GPR146: variants seen among roughly 807,000 people sequenced by gnomAD.
GPR146 encodes G-protein coupled receptor 146.
For synonymous variants in GPR146, 203 were observed against 104.3 expected (o/e 1.95, Z -5.77); for missense variants, 381 against 213.9 (o/e 1.78, Z -4.87).
At chr7:1,055,953 AAGCCACGC>A (rs1192661124) in intron 1 of GPR146, among the ~76,000 whole-genome samples, 1 of 152,214 alleles carries the variant, frequency 6.6e-6, no homozygotes, top group African/African-American at 2.4e-5. Context: ...GTGACAGCCA[AAGCCACGC>A]AGCCTCGCAG....
chr7:1,049,200 A>C (rs907301681), intron 1 of GPR146, among the ~76,000 whole-genome samples: 2 of 152,150 alleles, frequency 1.3e-5, no homozygotes, highest in Non-Finnish European at 2.9e-5. Context: ...ACCCTGCCCC[A>C]CGTTTCCCCT....
chr7:1,044,930 ACAGCGCCGCCAC>A (rs1782439979), intron 1 of GPR146, among the ~76,000 whole-genome samples: 1 of 152,244 alleles, frequency 6.6e-6, no homozygotes, highest in South Asian at 2.1e-4. Context: ...CGTAGGCGGC[ACAGCGCCGCCAC>A]CGGCTCTCCC....
Position 1,058,005 on chromosome 7 carries a change from C to T in GPR146, c.490C>T (p.Leu164Phe), listed in dbSNP as rs746849476. Residue 164 changes from leucine (L) to phenylalanine (F), a missense_variant, in exon 2 of 2, where the codon CTC becomes TTC. By Grantham distance (22) the Leu-to-Phe change is conservative. Transcript: ENST00000444847. ...GCTGCTGACCAGCTTCTCCTCGCTG[C>T]TCTTCTACATCTGCAGCCATGTGTC... is the stretch of plus-strand genomic sequence containing the variant. Reference protein sequence around the residue: ...GALLTSFSSLLFYICSHVSTR... With the variant: ...GALLTSFSSLFFYICSHVSTR... The T allele has an allele frequency of 1.3e-5, 10 of 770,024 alleles. No homozygotes were observed. The highest frequency in any genetic ancestry group is 5.1e-5 in the Admixed American group (3 of 59,024). The allele number at this position is 770,024 out of a possible 1,614,324, so 47.7% of individuals were successfully genotyped here.
rs534336846 is a variant in GPR146, at chr7:1,045,654, A to T, written c.-25+996A>T. On this transcript the variant is annotated intron_variant, in intron 1 of 1. Transcript: ENST00000444847. ...TAATAATTAGACGAAGTGCACACTC[A>T]CAGTACCCATGACCTGCTGTGCAGC... is the stretch of plus-strand genomic sequence containing the variant. 10 of 152,370 alleles carry T rather than the reference A, an allele frequency of 6.6e-5. No homozygotes were observed. In the East Asian group the frequency reaches 1.9e-3, roughly 29 times the overall value. The allele number at this position is 152,370 out of a possible 1,614,324, so 9.4% of individuals were successfully genotyped here. A position where few individuals can be genotyped will look rare whatever the true frequency, so the allele number is the denominator to read the frequency against.
Position 1,052,403 on chromosome 7 carries a change from G to C in GPR146, c.-24-5089G>C, listed in dbSNP as rs1399602608. Among the ~76,000 whole-genome samples the C allele has an allele frequency of 1.3e-5, 2 of 152,240 alleles. No homozygotes were observed. Among genetic ancestry groups the C allele is most frequent in the Non-Finnish European group, 2.9e-5 (2 of 68,042 alleles). Reference sequence around the variant, plus strand: ...GGGCCTGGGGAGGGACCTGTGTGTGGGTGGCAGGTCTTGAGGAGTCGTGGG... The same window carrying C: ...GGGCCTGGGGAGGGACCTGTGTGTGCGTGGCAGGTCTTGAGGAGTCGTGGG... On this transcript the variant is annotated intron_variant, in intron 1 of 1. Transcript: ENST00000444847. The surrounding 1 kb of genome is among the most constrained non-coding windows in gnomAD (Gnocchi z 4.2).
Position 1,058,375 on chromosome 7 carries a change from C to T in GPR146, c.860C>T (p.Ser287Phe), listed in dbSNP as rs751307352. Reference sequence around the variant, plus strand: ...GATTTCTCCAAACTCCTGGCCTTCTCCAGCAGCTTTGTGACACCACTTCTC... The same window carrying T: ...GATTTCTCCAAACTCCTGGCCTTCTTCAGCAGCTTTGTGACACCACTTCTC... ...VKDFSKLLAF[S>F]SSFVTPLLYR... Residue 287 changes from serine (S) to phenylalanine (F), a missense_variant, in exon 2 of 2, where the codon TCC becomes TTC. Ser to Phe is a radical substitution (Grantham distance 155). Transcript: ENST00000444847. 2.6e-6 allele frequency: 2 copies of T among 780,368 alleles called. No homozygotes were observed. Among genetic ancestry groups the T allele is most frequent in the Non-Finnish European group, 4.8e-6 (2 of 418,140 alleles). The allele number at this position is 780,368 out of a possible 1,614,324, so 48.3% of individuals were successfully genotyped here. A position where few individuals can be genotyped will look rare whatever the true frequency, so the allele number is the denominator to read the frequency against.
chr7:1,046,035 C>T (rs1045069545), intron 1 of GPR146, among the ~76,000 whole-genome samples: 4 of 152,236 alleles, frequency 2.6e-5, no homozygotes, highest in African/African-American at 4.8e-5. Flanking sequence ...AAAGGGCGCG[C>T]ACCTCATGTG....
In GPR146 at chr7:1,058,916, C is replaced by G. The variant is rs572935942; in HGVS notation, c.*399C>G. On this transcript the variant is annotated 3_prime_UTR_variant, in exon 2 of 2. Transcript: ENST00000444847. ...AAACAGATGTTTCCTAGAAAAATGA[C>G]AAATAGTAAAATGAACAAAACCCTA... 5.0e-6 allele frequency: 1 copy of G among 199,450 alleles called. No individual in the cohort carries two copies. Among genetic ancestry groups the G allele is most frequent in the Admixed American group, 5.3e-5 (1 of 18,796 alleles). The allele number at this position is 199,450 out of a possible 1,614,324, so 12.4% of individuals were successfully genotyped here.
chr7:1,045,360 G>A (rs574359846), intron 1 of GPR146: 2 of 152,414 alleles, frequency 1.3e-5, no homozygotes, highest in East Asian at 1.9e-4. Context: ...CCCTGCCCAT[G>A]AAGATGTACT....
At chr7:1,044,791 C>A (rs1416304610) in intron 1 of GPR146, 133 bp downstream of exon 1, 1 of 152,212 alleles carries the variant, frequency 6.6e-6, no homozygotes, top group Non-Finnish European at 1.5e-5. Context: ...GTCCTCTGGC[C>A]GCTGCCCACT....
rs774301642 is a variant in GPR146, at chr7:1,057,843, A to C, written c.328A>C (p.Asn110His). ...CCACGTGGCACTGCAGATCCCCTTC[A>C]ATGTGTCCTCACTGGTGGCCATGTA... is the stretch of plus-strand genomic sequence containing the variant. ...EVHVALQIPF[N>H]VSSLVAMYST... is the part of the protein sequence containing the mutation. Residue 110 changes from asparagine to histidine, a missense_variant, in exon 2 of 2, where the codon AAT becomes CAT. Physicochemically the swap from Asn to His is moderately conservative, Grantham distance 68. Transcript: ENST00000444847. 14 of 777,504 alleles carry C rather than the reference A, an allele frequency of 1.8e-5. No individual in the cohort carries two copies. The Admixed American group carries it at 2.2e-4, about 12-fold the overall frequency. 48.2% of individuals were successfully genotyped at this position (777,504 alleles called of 1,614,324 possible).
chr7:1,051,143 G>T (rs557217502), intron 1 of GPR146, among the ~76,000 whole-genome samples: 2 of 152,362 alleles, frequency 1.3e-5, no homozygotes, highest in Admixed American at 1.3e-4. Context: ...CCTACAAGCA[G>T]CGTGTGGGCA....
intron 1 of GPR146, among the ~76,000 whole-genome samples, chr7:1,048,468 C>T (rs1782789650): frequency 6.6e-6 from 1 of 152,086 alleles, no homozygotes; most frequent in Non-Finnish European, 1.5e-5. Context: ...CCGGGTGCCT[C>T]TCAGGTTGAG....
Position 1,058,801 on chromosome 7 carries a change from A to G in GPR146, c.*284A>G. 6.5e-6 allele frequency: 3 copies of G among 459,624 alleles called. No homozygotes were observed. The highest frequency in any genetic ancestry group is 1.2e-5 in the Non-Finnish European group (3 of 250,388). 28.5% of individuals were successfully genotyped at this position (459,624 alleles called of 1,614,324 possible). On this transcript the variant is annotated 3_prime_UTR_variant, in exon 2 of 2. Transcript: ENST00000444847. Reference sequence around the variant, plus strand: ...CCTCCTCGCCTTCAGCCTCCTCAGCATTCAGTTTGTCAATGAAGTGATGAA... The same window carrying G: ...CCTCCTCGCCTTCAGCCTCCTCAGCGTTCAGTTTGTCAATGAAGTGATGAA...
At position 1,052,061 on chromosome 7, in the gene GPR146, G is replaced by A. The variant is rs7804083; in HGVS notation, c.-24-5431G>A. On this transcript the variant is annotated intron_variant, in intron 1 of 1. Coordinates refer to ENST00000444847, the MANE Select transcript of GPR146 (RefSeq NM_001303473.2). This position sits in a 1 kb window ranked among gnomAD's most constrained non-coding sequence, Gnocchi z 4.2. ...AATTCTCTTATAGGGAAAATAAAACGATTGAAACTGGGCCATCTTGGACAG... is the reference window on the plus strand; with the variant it reads ...AATTCTCTTATAGGGAAAATAAAACAATTGAAACTGGGCCATCTTGGACAG... Among the ~76,000 whole-genome samples, 13,957 of 152,322 alleles carry A rather than the reference G, an allele frequency of 0.092. 1,900 individuals carry two copies. Among genetic ancestry groups the A allele is most frequent in the African/African-American group, 0.3 (12,319 of 41,544 alleles).
At chr7:1,054,624 C>A (rs961387296) in intron 1 of GPR146, among the ~76,000 whole-genome samples, 1 of 152,218 alleles carries the variant, frequency 6.6e-6, no homozygotes, top group Admixed American at 6.5e-5. Flanking sequence ...CTTGGCCTCA[C>A]GGCGGGGCAG....
chr7:1,051,057 G>T (rs1783066938), intron 1 of GPR146, among the ~76,000 whole-genome samples: 1 of 152,208 alleles, frequency 6.6e-6, no homozygotes, highest in East Asian at 1.9e-4. Context: ...TGCTTATGGG[G>T]CCCAGAGGCC....
At chr7:1,048,691 T>C (rs547711490) in intron 1 of GPR146, among the ~76,000 whole-genome samples, 5 of 152,218 alleles carry the variant, frequency 3.3e-5, no homozygotes, top group Non-Finnish European at 7.3e-5. Flanking sequence ...GGAAGAAAGA[T>C]GCCAACGTCT....
At chr7:1,054,492 T>C (rs113066613) in intron 1 of GPR146, among the ~76,000 whole-genome samples, 17,443 of 152,248 alleles carry the variant, frequency 0.11, 1,220 homozygotes, top group Middle Eastern at 0.26. Flanking sequence ...CGAGAGCCGG[T>C]TCAGGGCGAG....
Sources: allele counts gnomAD v4.1 joint callset (sites outside exome capture counted in the v4.1 genomes callset), GRCh38; gene constraint gnomAD v4.1.1; non-coding constraint Gnocchi (gnomAD v3.1); transcripts MANE v1.5; gene names NCBI Gene and HGNC (gene_info 2026-07-23, HGNC 2026-07-21).